HECW2: variants seen among roughly 807,000 people sequenced by gnomAD.
HECW2 encodes the protein E3 ubiquitin-protein ligase HECW2.
Under a neutral mutation model 175.2 loss-of-function variants are expected in HECW2, and 61 were observed. The observed-to-expected ratio is 0.35, with a 90% CI of 0.28 to 0.43. The LOEUF (loss-of-function observed/expected upper bound fraction) is 0.43, where lower values mean the gene tolerates loss of function less well. HECW2 is among the 20% of genes least tolerant of loss of function. The pLI is 1.00. For synonymous variants in HECW2, 671 were observed against 731.0 expected (o/e 0.92, Z 1.32); for missense variants, 1,524 against 2,000.5 (o/e 0.76, Z 4.54).
chr2:196,297,620 T>C (rs1260399340), intron 13 of HECW2, among the ~76,000 whole-genome samples: 4 of 152,214 alleles, frequency 2.6e-5, no homozygotes, highest in Non-Finnish European at 5.9e-5. Context: ...TTTCAAAACA[T>C]AGTTAAGTAC....
At chr2:196,499,720 G>A (rs1412091312) in intron 1 of HECW2, among the ~76,000 whole-genome samples, 2 of 152,070 alleles carry the variant, frequency 1.3e-5, no homozygotes, top group Admixed American at 6.6e-5. Flanking sequence ...GCATTAAAAC[G>A]CATGCATTTT....
Position 196,220,610 on chromosome 2 carries a change from C to T in HECW2, c.4293+185G>A, listed in dbSNP as rs142044831. Among the ~76,000 whole-genome samples the T allele has an allele frequency of 3.9e-3, 601 of 152,254 alleles. 34 individuals carry two copies. In the East Asian group the frequency reaches 0.086, roughly 22 times the overall value. The stretch of plus-strand genomic sequence containing the variant: ...CATAACATTTATTTCAGTGATCTCT[C>T]GTAACAGTGAGTTAAGCTTCTTTTG... On this transcript the variant is annotated intron_variant, in intron 25 of 28. Transcript: ENST00000644978.
chr2:196,256,751 T>A (rs377474792), intron 18 of HECW2, among the ~76,000 whole-genome samples: 1 of 152,178 alleles, frequency 6.6e-6, no homozygotes, highest in Non-Finnish European at 1.5e-5. Flanking sequence ...CCACCTAGCA[T>A]ACTATATGCT....
chr2:196,585,850 T>C (rs1690956348), intron 1 of HECW2, among the ~76,000 whole-genome samples: 1 of 152,152 alleles, frequency 6.6e-6, no homozygotes, highest in Admixed American at 6.5e-5. Context: ...ATGAAGTCCA[T>C]TTGGATAAAA....
chr2:196,472,138 TGTA>T (rs1186330274), intron 1 of HECW2, among the ~76,000 whole-genome samples: 1 of 151,864 alleles, frequency 6.6e-6, no homozygotes, highest in African/African-American at 2.4e-5. Flanking sequence ...AAAAAATAGT[TGTA>T]GTCAAATGTA....
chr2:196,580,167 G>A (rs900487221), intron 1 of HECW2, among the ~76,000 whole-genome samples: 2 of 152,124 alleles, frequency 1.3e-5, no homozygotes, highest in African/African-American at 4.8e-5. Context: ...TTAACAACAA[G>A]GCAGCAAAAT....
At chr2:196,519,717 AGATTT>A (rs755734471) in intron 1 of HECW2, among the ~76,000 whole-genome samples, 1 of 152,220 alleles carries the variant, frequency 6.6e-6, no homozygotes, top group Non-Finnish European at 1.5e-5. Context: ...AGGAGTAATT[AGATTT>A]AAGGGAAAAA....
chr2:196,454,214 C>T (rs986251527), intron 1 of HECW2, among the ~76,000 whole-genome samples: 8 of 152,150 alleles, frequency 5.3e-5, no homozygotes, highest in Admixed American at 2.6e-4. Flanking sequence ...CCCGCCTCGC[C>T]AGATTTATAC....
chr2:196,325,637 G>T (rs1692122503), intron 5 of HECW2, among the ~76,000 whole-genome samples: 1 of 152,158 alleles, frequency 6.6e-6, no homozygotes, highest in Non-Finnish European at 1.5e-5. Context: ...AGAGAAAAAT[G>T]AATCTTCTAC....
chr2:196,522,522 CT>C (rs1199672768), intron 1 of HECW2, among the ~76,000 whole-genome samples: 3 of 151,738 alleles, frequency 2.0e-5, no homozygotes, highest in African/African-American at 7.2e-5. Context: ...GTTGCCATTG[CT>C]TTTGGTGTTT....
chr2:196,432,810 G>A (rs536028756), intron 2 of HECW2, among the ~76,000 whole-genome samples: 65 of 152,240 alleles, frequency 4.3e-4, no homozygotes, highest in Non-Finnish European at 7.9e-4. Flanking sequence ...TTTCTAAAAT[G>A]GGACTGCTGA....
At chr2:196,301,698 A>G (rs1035144888) in intron 13 of HECW2, among the ~76,000 whole-genome samples, 1 of 144,062 alleles carries the variant, frequency 6.9e-6, no homozygotes, top group South Asian at 2.2e-4. Context: ...GTCTATTCAT[A>G]TCCTCTGCCC....
intron 23 of HECW2, 30 bp from the exon 24 acceptor site, chr2:196,222,370 T>C (rs1687700557): frequency 1.9e-6 from 3 of 1,607,448 alleles, no homozygotes; most frequent in Admixed American, 1.7e-5. Context: ...GAAACAAATA[T>C]GTAGGCATGG....
At chr2:196,507,433 A>C (rs544979994) in intron 1 of HECW2, among the ~76,000 whole-genome samples, 14 of 152,314 alleles carry the variant, frequency 9.2e-5, no homozygotes, top group African/African-American at 3.1e-4. Context: ...AAATTTAGCA[A>C]TGTCTAGAGA....
At chr2:196,282,424 A>G (rs1690222622) in intron 14 of HECW2, among the ~76,000 whole-genome samples, 1 of 152,216 alleles carries the variant, frequency 6.6e-6, no homozygotes, top group South Asian at 2.1e-4. Flanking sequence ...ACAGCCCTCA[A>G]GAGATCCTGA....
At chr2:196,490,032 T>C (rs890452631) in intron 1 of HECW2, among the ~76,000 whole-genome samples, 4 of 152,214 alleles carry the variant, frequency 2.6e-5, no homozygotes, top group Non-Finnish European at 5.9e-5. Flanking sequence ...CTATGACCAC[T>C]GCAAAGCAAG....
intron 10 of HECW2, among the ~76,000 whole-genome samples, chr2:196,311,525 G>A (rs530429130): frequency 2.0e-5 from 3 of 152,250 alleles, no homozygotes; most frequent in East Asian, 3.9e-4. Flanking sequence ...GGCCGGGTGC[G>A]GTGGCTCACA....
chr2:196,445,400 T>A (rs1237423641), intron 1 of HECW2, among the ~76,000 whole-genome samples: 1 of 152,228 alleles, frequency 6.6e-6, no homozygotes, highest in Non-Finnish European at 1.5e-5. Context: ...TTCACTTGTT[T>A]AATTAGCATT....
chr2:196,292,722 G>A lies in HECW2; in HGVS notation c.2843C>T (p.Thr948Met), dbSNP rs777099507. The A allele has an allele frequency of 1.9e-5, 30 of 1,613,450 alleles. No individual in the cohort carries two copies. The highest frequency in any genetic ancestry group is 1.6e-4 in the South Asian group (15 of 91,050). ...TTTGGTGATCATGTGCTTCAAACAC[G>A]TGTTGTTTGTAAACATGCGGTAGGC... is the stretch of plus-strand genomic sequence containing the variant. Reference protein sequence around the residue: ...PSAYRMFTNNTCLKHMITKVR... With the variant: ...PSAYRMFTNNMCLKHMITKVR... The change falls in exon 14 of 29, where the codon ACG (threonine) becomes ATG (methionine). Residue 948 changes from threonine to methionine, a missense_variant. Physicochemically the swap from Thr to Met is moderately conservative, Grantham distance 81 (BLOSUM62 -1). Transcript: ENST00000644978.
Sources: allele counts gnomAD v4.1 joint callset (sites outside exome capture counted in the v4.1 genomes callset), GRCh38; gene constraint gnomAD v4.1.1; transcripts MANE v1.5; gene names NCBI Gene and HGNC (gene_info 2026-07-23, HGNC 2026-07-21).